Variants in TNK2 observed in about 807,000 individuals in gnomAD.
TNK2 encodes the protein tyrosine kinase non receptor 2.
TNK2 carries 83 observed loss-of-function variants against 101.8 expected under a neutral mutation model. That is an observed-to-expected ratio of 0.82 (90% confidence interval 0.68 to 0.98). The LOEUF (loss-of-function observed/expected upper bound fraction) is 0.98, where lower values mean the gene tolerates loss of function less well. Ranked by LOEUF, TNK2 falls within the 50% of genes least tolerant of loss-of-function variation. The pLI, the probability that TNK2 is intolerant of heterozygous loss-of-function variation, is 0.00. For missense variants in TNK2, 1,665 were observed against 1,483.2 expected, an observed-to-expected ratio of 1.12 and a Z score of -2.01; for synonymous variants, 804 against 633.0, an observed-to-expected ratio of 1.27 and a Z score of -4.06.
chr3:195,864,242 GGCA>G, intron 15 of TNK2, 55 bp from the exon 16 acceptor site: 1 of 1,610,814 alleles, frequency 6.2e-7, no homozygotes, highest in Non-Finnish European at 8.5e-7. Flanking sequence ...GGTTCAGCGG[GGCA>G]GGCACCGGGG....
intron 1 of TNK2, among the ~76,000 whole-genome samples, chr3:195,889,794 C>T (rs144684574): frequency 4.6e-5 from 7 of 152,314 alleles, no homozygotes; most frequent in Admixed American, 6.5e-5. Flanking sequence ...TCCCTGTCTG[C>T]GTAAGGTGTG....
At chr3:195,891,183 G>A (rs977771343) in intron 1 of TNK2, among the ~76,000 whole-genome samples, 2 of 152,224 alleles carry the variant, frequency 1.3e-5, no homozygotes, top group Admixed American at 6.5e-5. Context: ...CTTAGGCTGA[G>A]GTGGGCGGAT....
intron 1 of TNK2, among the ~76,000 whole-genome samples, chr3:195,905,199 T>A (rs1761600875): frequency 6.6e-6 from 1 of 152,098 alleles, no homozygotes; most frequent in African/African-American, 2.4e-5. Context: ...AAACAATTGA[T>A]TTTTTTCTTT....
At position 195,863,508 on chromosome 3, in the gene TNK2, GGC is replaced by G. The variant is rs1389958360; in HGVS notation, c.*671_*672del. On this transcript the variant is annotated 3_prime_UTR_variant, in exon 16 of 16. Transcript: ENST00000672887. The stretch of plus-strand genomic sequence containing the variant: ...AGAGGAAGCACTGATGTCCCTCCAG[GGC>G]GGCTGCCCCTTGGTCTCCTTCCAGC... The G allele has an allele frequency of 1.3e-5, 2 of 152,704 alleles. No homozygotes were observed. Among genetic ancestry groups the G allele is most frequent in the Non-Finnish European group, 2.9e-5 (2 of 68,076 alleles). 9.5% of individuals were successfully genotyped at this position (152,704 alleles called of 1,614,324 possible). A position where few individuals can be genotyped will look rare whatever the true frequency, so the allele number is the denominator to read the frequency against.
intron 12 of TNK2, 155 bp downstream of exon 12, chr3:195,869,342 C>A: frequency 1.3e-6 from 1 of 788,200 alleles, no homozygotes; most frequent in Non-Finnish European, 2.1e-6. Context: ...CGAGGGGGGG[C>A]AGGCATGCTA....
chr3:195,887,870 G>A (rs570865794), intron 2 of TNK2, among the ~76,000 whole-genome samples: 6 of 149,516 alleles, frequency 4.0e-5, no homozygotes, highest in South Asian at 2.1e-4. Context: ...GTGCGCAGGC[G>A]TGTGAGCGCG....
chr3:195,899,412 T>C (rs1210842303), intron 1 of TNK2, among the ~76,000 whole-genome samples: 1 of 152,046 alleles, frequency 6.6e-6, no homozygotes, highest in East Asian at 1.9e-4. Flanking sequence ...CTGCAACCTC[T>C]GCCTCCCGGG....
intron 1 of TNK2, among the ~76,000 whole-genome samples, chr3:195,893,136 C>T (rs925695185): frequency 1.3e-5 from 2 of 151,998 alleles, no homozygotes; most frequent in African/African-American, 4.8e-5. Context: ...GAGTGGGAGG[C>T]TTGGACCCCA....
At position 195,868,560 on chromosome 3, in the gene TNK2, C is replaced by G. The variant is rs369417335; in HGVS notation, c.1738G>C (p.Gly580Arg). 25 of 1,573,242 alleles carry G rather than the reference C, an allele frequency of 1.6e-5. No individual in the cohort carries two copies. The highest frequency in any genetic ancestry group is 2.1e-5 in the Non-Finnish European group (24 of 1,167,904). Residue 580 changes from glycine (G) to arginine (R), a missense_variant, in exon 13 of 16, where the codon GGG becomes CGG. Gly to Arg is a moderately radical substitution (Grantham distance 125). Transcript: ENST00000672887. ...AAGTCGATGAGCGTGACCTCAGCCCCGCTGCCTCGGCTGGCCTTGGTGCCC... is the reference window on the plus strand; with the variant it reads ...AAGTCGATGAGCGTGACCTCAGCCCGGCTGCCTCGGCTGGCCTTGGTGCCC... The part of the protein sequence containing the change: ...VPGTKASRGS[G>R]AEVTLIDFGE...
intron 9 of TNK2, among the ~76,000 whole-genome samples, chr3:195,877,646 G>C (rs1012544797): frequency 6.6e-6 from 1 of 152,218 alleles, no homozygotes; most frequent in African/African-American, 2.4e-5. Context: ...GGCCAGCAGT[G>C]GTGGGGCCTC....
chr3:195,879,216 C>T (rs750165335), intron 6 of TNK2, 41 bp from the exon 7 acceptor site: 2 of 1,609,280 alleles, frequency 1.2e-6, no homozygotes, highest in African/African-American at 2.7e-5. Context: ...TCTCAAACAC[C>T]CTACCTGCGT....
intron 6 of TNK2, among the ~76,000 whole-genome samples, chr3:195,879,796 G>A (rs923312249): frequency 6.6e-6 from 1 of 152,058 alleles, no homozygotes; most frequent in African/African-American, 2.4e-5. Flanking sequence ...CCTCAAAGGG[G>A]ATGGGGCCGG....
intron 6 of TNK2, among the ~76,000 whole-genome samples, chr3:195,880,185 CAG>C (rs1269430999): frequency 6.6e-6 from 1 of 152,080 alleles, no homozygotes; most frequent in African/African-American, 2.4e-5. Flanking sequence ...TAAGCCCACA[CAG>C]GGGCCAGGGC....
In TNK2 at chr3:195,879,182, G is replaced by C. The variant is rs1440134421; in HGVS notation, c.888-7C>G. 17 of 1,612,890 alleles carry C rather than the reference G, an allele frequency of 1.1e-5. No individual in the cohort carries two copies. The highest frequency in any genetic ancestry group is 1.4e-5 in the Non-Finnish European group (17 of 1,179,886). Reference sequence around the variant, plus strand: ...CAGGCTCTCGGGGGCACACCTGGCAGAGGCAGGGGTCAAAGAGAAGCCCTC... The same window carrying C: ...CAGGCTCTCGGGGGCACACCTGGCACAGGCAGGGGTCAAAGAGAAGCCCTC... On this transcript the variant is annotated splice_polypyrimidine_tract_variant and splice_region_variant and intron_variant, in intron 6 of 15. Coordinates refer to ENST00000672887, the MANE Select transcript of TNK2 (RefSeq NM_001382273.1).
chr3:195,875,404 G>A (rs370508003), intron 9 of TNK2, among the ~76,000 whole-genome samples: 10 of 116,736 alleles, frequency 8.6e-5, no homozygotes, highest in African/African-American at 1.5e-4. Flanking sequence ...GCCCACGCAC[G>A]CTCCGAGGCA....
In TNK2 at chr3:195,885,087, C is replaced by G; in HGVS notation, c.235-54G>C. 1 of 1,502,698 alleles carries G rather than the reference C, an allele frequency of 6.7e-7. No individual in the cohort carries two copies. Among genetic ancestry groups the G allele is most frequent in the Non-Finnish European group, 9.0e-7 (1 of 1,112,154 alleles). The allele number at this position is 1,502,698 out of a possible 1,614,324, so 93.1% of individuals were successfully genotyped here. On this transcript the variant is annotated intron_variant, in intron 3 of 15. Transcript: ENST00000672887. The surrounding 1 kb of genome is among the most constrained non-coding windows in gnomAD (Gnocchi z 4.7). Reference sequence around the variant, plus strand: ...GAATCCAACACCCCAGGGTCAGTCACTCAGTCCCACCCCGCTGGGTCCACC... The same window carrying G: ...GAATCCAACACCCCAGGGTCAGTCAGTCAGTCCCACCCCGCTGGGTCCACC...
chr3:195,904,859 G>A (rs934081664), intron 1 of TNK2, among the ~76,000 whole-genome samples: 8 of 152,234 alleles, frequency 5.3e-5, no homozygotes, highest in African/African-American at 1.9e-4. Context: ...ACAAAACCTA[G>A]ACAAATACAG....
At chr3:195,902,237 A>T (rs1257963215) in intron 1 of TNK2, among the ~76,000 whole-genome samples, 1 of 152,216 alleles carries the variant, frequency 6.6e-6, no homozygotes, top group East Asian at 1.9e-4. Flanking sequence ...AAAGCCCAGG[A>T]ACTGGCAGCC....
At position 195,867,264 on chromosome 3, in the gene TNK2, G is replaced by A. The variant is rs751785077; in HGVS notation, c.2938C>T (p.Leu980=). The A allele has an allele frequency of 2.5e-6, 4 of 1,610,112 alleles. No homozygotes were observed. Among genetic ancestry groups the A allele is most frequent in the Non-Finnish European group, 3.4e-6 (4 of 1,178,450 alleles). Residue 980 remains leucine (L), a splice_region_variant and synonymous_variant, in exon 14 of 16, where the codon CTG becomes TTG. Coordinates refer to ENST00000672887, the MANE Select transcript of TNK2 (RefSeq NM_001382273.1). ...GTCACCCCATGCACCATGGCCTGCA[G>A]CTGGGCACACCCACCCCTGTCAGCA... ...AGRPADKIQM[L]QAMVHGVTTE...
Sources: gnomAD v4.1 joint callset for allele counts (sites outside exome capture counted in the v4.1 genomes callset) on GRCh38, gnomAD v4.1.1 for gene constraint, Gnocchi (gnomAD v3.1) non-coding constraint, MANE v1.5 for transcripts, NCBI Gene and HGNC (gene_info 2026-07-23, HGNC 2026-07-21) for gene names.